Variants in ZC3H12B observed in about 807,000 individuals in gnomAD.
ZC3H12B encodes probable ribonuclease ZC3H12B.
In ZC3H12B, 7 loss-of-function variants were observed where a neutral mutation model predicts 43.9. The ratio of observed to expected loss-of-function variants is 0.16; its 90% CI spans 0.09 to 0.30. The LOEUF (loss-of-function observed/expected upper bound fraction) is 0.30, where lower values mean the gene tolerates loss of function less well. Ranked by LOEUF, ZC3H12B falls within the 10% of genes least tolerant of loss-of-function variation. The pLI, the probability that ZC3H12B is intolerant of heterozygous loss-of-function variation, is 1.00. For synonymous variants in ZC3H12B, 222 were observed against 241.7 expected, an observed-to-expected ratio of 0.92 and a Z score of 0.76; for missense variants, 475 against 670.2, an observed-to-expected ratio of 0.71 and a Z score of 3.22.
the ZC3H12B span, among the ~76,000 whole-genome samples, chrX:65,285,114 T>TTATTAG: frequency 9.1e-6 from 1 of 109,770 alleles, no homozygotes; most frequent in African/African-American, 3.3e-5. Flanking sequence ...AGAATAATTA[T>TTATTAG]TATTATTATT....
At chrX:65,254,697 T>C in the ZC3H12B span, among the ~76,000 whole-genome samples, 1 of 112,021 alleles carries the variant, frequency 8.9e-6, no homozygotes, top group East Asian at 2.8e-4. Context: ...GAGCAATGAC[T>C]CTTAACCAGG....
the ZC3H12B span, among the ~76,000 whole-genome samples, chrX:65,180,102 T>G: frequency 8.9e-6 from 1 of 112,024 alleles, no homozygotes; most frequent in Non-Finnish European, 1.9e-5. Flanking sequence ...GCCAAAATCC[T>G]CAATAAAATA....
the ZC3H12B span, among the ~76,000 whole-genome samples, chrX:65,311,166 A>G: frequency 8.9e-6 from 1 of 112,210 alleles, no homozygotes; most frequent in Non-Finnish European, 1.9e-5. Flanking sequence ...TAAACTAAAG[A>G]GCTTCTGCAT....
At chrX:65,238,902 A>G in the ZC3H12B span, among the ~76,000 whole-genome samples, 1 of 111,792 alleles carries the variant, frequency 8.9e-6, no homozygotes, top group Non-Finnish European at 1.9e-5. Context: ...TTTTCCATGA[A>G]TTTCTTGATC....
Position 65,393,106 on chromosome X carries a change from C to G in ZC3H12B, n.296-5487C>G, listed in dbSNP as rs767152952. Among the ~76,000 whole-genome samples, 99 of 111,114 alleles carry G rather than the reference C, an allele frequency of 8.9e-4. 1 individual carries two copies. Among genetic ancestry groups the G allele is most frequent in the African/African-American group, 3.1e-3 (95 of 30,516 alleles). On this transcript the variant is annotated intron_variant and non_coding_transcript_variant, in intron 2 of 5. Coordinates refer to the ZC3H12B transcript ENST00000617377. ...TCTCAAGTACCCAGGGACACAAACA[C>G]TGCGGAAGGCCACAGGGTCCTCTGC...
the ZC3H12B span, among the ~76,000 whole-genome samples, chrX:65,160,721 T>C: frequency 1.8e-5 from 2 of 111,826 alleles, no homozygotes; most frequent in Non-Finnish European, 3.8e-5. Context: ...GTGCCTGGAT[T>C]AATTAATTTT....
intron 3 of ZC3H12B, among the ~76,000 whole-genome samples, chrX:65,467,780 C>T (rs1329850071): frequency 3.6e-5 from 4 of 111,953 alleles, no homozygotes; most frequent in African/African-American, 9.7e-5. Context: ...TATCACTTGC[C>T]CACTTTTTGA....
At chrX:65,186,434 G>A in the ZC3H12B span, 1 of 105,545 alleles carries the variant, frequency 9.5e-6, no homozygotes, top group Admixed American at 1.0e-4. Context: ...CAGAGTTGCA[G>A]TGAGCCAAGA....
At chrX:65,406,418 C>T (rs1234020504) in intron 3 of ZC3H12B, among the ~76,000 whole-genome samples, 3 of 105,606 alleles carry the variant, frequency 2.8e-5, no homozygotes, top group Non-Finnish European at 5.8e-5. Flanking sequence ...TCAACTGATG[C>T]CAAAAAGCTT....
chrX:65,426,072 G>A (rs1179974614), intron 3 of ZC3H12B, among the ~76,000 whole-genome samples: 1 of 108,054 alleles, frequency 9.3e-6, no homozygotes, highest in Non-Finnish European at 1.9e-5. Context: ...GAATTCAGCT[G>A]TGAATATGTC....
At chrX:65,317,163 C>T in the ZC3H12B span, among the ~76,000 whole-genome samples, 2 of 109,890 alleles carry the variant, frequency 1.8e-5, no homozygotes, top group Admixed American at 9.7e-5. Flanking sequence ...TAGAGACATA[C>T]GAAGAGACTT....
the ZC3H12B span, among the ~76,000 whole-genome samples, chrX:65,158,185 C>T: frequency 7.8e-4 from 85 of 108,735 alleles, 1 homozygote; most frequent in African/African-American, 2.3e-4. Flanking sequence ...TTGGACATTT[C>T]GGTTGGTTCC....
the ZC3H12B span, among the ~76,000 whole-genome samples, chrX:65,228,635 C>T: frequency 9.0e-6 from 1 of 111,526 alleles, no homozygotes; most frequent in Non-Finnish European, 1.9e-5. Context: ...CTAGAAAACC[C>T]GATTGTCTCA....
the ZC3H12B span, among the ~76,000 whole-genome samples, chrX:65,142,957 T>C: frequency 1.8e-5 from 2 of 112,127 alleles, no homozygotes; most frequent in Non-Finnish European, 1.9e-5. Flanking sequence ...TTTTCTTTTT[T>C]ACTTAGTCTT....
chrX:65,095,754 A>G, the ZC3H12B span, among the ~76,000 whole-genome samples: 1 of 111,618 alleles, frequency 9.0e-6, no homozygotes, highest in Non-Finnish European at 1.9e-5. Context: ...AGGGAAGGAC[A>G]TTACCCAATT....
chrX:65,286,490 A>C, the ZC3H12B span, among the ~76,000 whole-genome samples: 1 of 111,015 alleles, frequency 9.0e-6, no homozygotes, highest in Non-Finnish European at 1.9e-5. Context: ...GATAATTTAC[A>C]TAGCAAATAT....
At chrX:65,138,453 A>G in the ZC3H12B span, among the ~76,000 whole-genome samples, 106 of 112,014 alleles carry the variant, frequency 9.5e-4, no homozygotes, top group African/African-American at 2.6e-3. Flanking sequence ...TTGTGTATAT[A>G]TAGCACATTT....
the ZC3H12B span, among the ~76,000 whole-genome samples, chrX:65,222,110 C>G: frequency 1.8e-5 from 2 of 111,720 alleles, no homozygotes; most frequent in Admixed American, 9.5e-5. Flanking sequence ...ACATGATCAT[C>G]TCAATAGATG....
At chrX:65,302,257 G>T in the ZC3H12B span, among the ~76,000 whole-genome samples, 5 of 110,393 alleles carry the variant, frequency 4.5e-5, no homozygotes, top group Non-Finnish European at 9.5e-5. Context: ...TGGCATAATT[G>T]TCTATACAGA....
Sources: allele counts gnomAD v4.1 joint callset (sites outside exome capture counted in the v4.1 genomes callset), GRCh38; gene constraint gnomAD v4.1.1; transcripts MANE v1.5; gene names NCBI Gene and HGNC (gene_info 2026-07-23, HGNC 2026-07-21).